The following PLEKHM1 variants were observed in gnomAD, a reference collection of about 807,000 sequenced individuals.
PLEKHM1 encodes pleckstrin homology domain-containing family M member 1.
Under a neutral mutation model 94.3 loss-of-function variants are expected in PLEKHM1, and 28 were observed. The observed-to-expected ratio is 0.30, with a 90% CI of 0.22 to 0.41. The LOEUF is 0.41. Among genes scored for constraint, PLEKHM1 ranks in the 10% least tolerant of loss-of-function variants. The pLI is 1.00. For synonymous variants in PLEKHM1, 424 were observed against 581.2 expected (o/e 0.73, Z 3.89); for missense variants, 907 against 1,358.6 (o/e 0.67, Z 5.22).
At chr17:45,468,637 G>A (rs765869951) in intron 4 of PLEKHM1, 44 bp from the exon 5 acceptor site, 19 of 1,607,474 alleles carry the variant, frequency 1.2e-5, no homozygotes, top group Middle Eastern at 1.7e-4. Flanking sequence ...GGTTGTCTGC[G>A]ATAATGCCCA....
rs1231533397 is a variant in PLEKHM1, at chr17:45,478,090, G to A, written c.106C>T (p.Leu36=). The A allele has an allele frequency of 6.2e-7, 1 of 1,613,956 alleles. No homozygotes were observed. The highest frequency in any genetic ancestry group is 2.2e-5 in the East Asian group (1 of 44,878). ...TCTTCACTAGTGACCACCGTGTCCA[G>A]GGACACGTACTGCTTCTGCAAGGCC... The part of the protein sequence containing the change: ...VKALQKQYVS[L]DTVVTSEDGD... The change falls in exon 3 of 12, where the codon CTG becomes TTG. Residue 36 remains leucine, a synonymous_variant. Transcript: ENST00000430334.
At position 45,468,353 on chromosome 17, in the gene PLEKHM1, C is replaced by T. The variant is rs373380298; in HGVS notation, c.1164G>A (p.Gln388=). Residue 388 remains glutamine, a synonymous_variant, in exon 5 of 12, where the codon CAG becomes CAA. Transcript: ENST00000430334. ...GCTGGCCTGAGGTGCTCTCTACAGGCTGCTGTAAGTCCAGGGGGCTGGGCG... is the reference window on the plus strand; with the variant it reads ...GCTGGCCTGAGGTGCTCTCTACAGGTTGCTGTAAGTCCAGGGGGCTGGGCG... ...PQAPSPLDLQ[Q]PVESTSGQQP... is the part of the protein sequence containing the mutation. The T allele has an allele frequency of 3.0e-4, 482 of 1,614,108 alleles. No individual in the cohort carries two copies. Among genetic ancestry groups the T allele is most frequent in the Non-Finnish European group, 3.8e-4 (450 of 1,180,014 alleles).
chr17:45,441,504 T>TG (rs932457078), intron 9 of PLEKHM1, among the ~76,000 whole-genome samples: 3 of 151,996 alleles, frequency 2.0e-5, no homozygotes, highest in Non-Finnish European at 4.4e-5. Context: ...CACAGCAGGC[T>TG]GGGGGGACAC....
At position 45,436,814 on chromosome 17, in the gene PLEKHM1, C is replaced by A. The variant is rs183944687; in HGVS notation, c.*1044G>T. On this transcript the variant is annotated 3_prime_UTR_variant, in exon 12 of 12. Transcript: ENST00000430334. ...GCATCCACAGGGCAGTTCCCCCGCA[C>A]GCCCTGCACAGCTTAGGACCAGGTC... 1 of 454,014 alleles carries A rather than the reference C, an allele frequency of 2.2e-6. No individual in the cohort carries two copies. The highest frequency in any genetic ancestry group is 4.4e-6 in the Non-Finnish European group (1 of 226,784). 28.1% of individuals were successfully genotyped at this position (454,014 alleles called of 1,614,324 possible).
intron 9 of PLEKHM1, among the ~76,000 whole-genome samples, chr17:45,443,524 G>C (rs1386072569): frequency 6.6e-6 from 1 of 152,252 alleles, no homozygotes; most frequent in Non-Finnish European, 1.5e-5. Flanking sequence ...TGCTGCCCAG[G>C]GATGGAGCAG....
At chr17:45,483,173 G>A (rs1020438390) in intron 1 of PLEKHM1, among the ~76,000 whole-genome samples, 11 of 151,980 alleles carry the variant, frequency 7.2e-5, no homozygotes, top group South Asian at 2.1e-4. Flanking sequence ...AGGTCTCATC[G>A]CAGTTTGCCA....
chr17:45,464,915 C>T (rs2051274299), intron 5 of PLEKHM1, among the ~76,000 whole-genome samples: 1 of 152,072 alleles, frequency 6.6e-6, no homozygotes, highest in Non-Finnish European at 1.5e-5. Flanking sequence ...CCTTCCAGTC[C>T]CCTTGACTTA....
At chr17:45,450,324 T>A (rs1295006597) in intron 8 of PLEKHM1, among the ~76,000 whole-genome samples, 1 of 152,262 alleles carries the variant, frequency 6.6e-6, no homozygotes, top group African/African-American at 2.4e-5. Flanking sequence ...TCTATCTATC[T>A]ATCATTTATC....
intron 5 of PLEKHM1, chr17:45,460,387 G>A (rs1027327029): frequency 6.6e-6 from 1 of 152,090 alleles, no homozygotes; most frequent in East Asian, 1.9e-4. Flanking sequence ...GGCCTCCCGA[G>A]TAGCTGGGGT....
At chr17:45,458,622 C>A (rs2051051070) in intron 5 of PLEKHM1, among the ~76,000 whole-genome samples, 183 bp from the exon 6 acceptor site, 1 of 152,108 alleles carries the variant, frequency 6.6e-6, no homozygotes, top group African/African-American at 2.4e-5. Context: ...AGGCGCCCAC[C>A]ACCATGCCCA....
intron 5 of PLEKHM1, among the ~76,000 whole-genome samples, chr17:45,466,974 A>G (rs1281391176): frequency 6.6e-6 from 1 of 152,230 alleles, no homozygotes; most frequent in Admixed American, 6.5e-5. Flanking sequence ...CAAAACCTGG[A>G]AACAACCCAA....
rs2052285518 is a variant in PLEKHM1 at position 45,490,657 on chromosome 17, G to T, written c.-47C>A. The stretch of plus-strand genomic sequence containing the variant: ...ATCTTGACCCCCTAACTCACCAAGC[G>T]GAGCGAGGAGCGAGGCGAGGGGCGC... On this transcript the variant is annotated 5_prime_UTR_variant, in exon 1 of 12. Coordinates refer to ENST00000430334, the MANE Select transcript of PLEKHM1 (RefSeq NM_014798.3). 2.2e-6 allele frequency: 1 copy of T among 450,204 alleles called. No homozygotes were observed. The highest frequency in any genetic ancestry group is 2.0e-5 in the African/African-American group (1 of 49,188). The allele number at this position is 450,204 out of a possible 1,614,324, so 27.9% of individuals were successfully genotyped here.
intron 4 of PLEKHM1, among the ~76,000 whole-genome samples, chr17:45,472,532 C>T (rs1204196902): frequency 1.3e-5 from 2 of 152,164 alleles, no homozygotes; most frequent in Non-Finnish European, 2.9e-5. Context: ...AGGGCTAAGA[C>T]AGGTGAGTGA....
chr17:45,435,736 C>T (rs188797282), downstream of PLEKHM1, among the ~76,000 whole-genome samples: 7 of 152,330 alleles, frequency 4.6e-5, no homozygotes, highest in Admixed American at 1.3e-4. Context: ...CCTGCCCACT[C>T]CTGGCATGCA....
chr17:45,450,498 T>G, intron 8 of PLEKHM1, 120 bp downstream of exon 8: 2 of 1,500,742 alleles, frequency 1.3e-6, no homozygotes, highest in African/African-American at 2.8e-5. Context: ...CCTGAACCAG[T>G]GACCCTGGCT....
intron 5 of PLEKHM1, among the ~76,000 whole-genome samples, chr17:45,463,189 C>T (rs1295574496): frequency 2.6e-5 from 4 of 151,884 alleles, no homozygotes; most frequent in Non-Finnish European, 5.9e-5. Context: ...CCATTGAGCA[C>T]AGCTGCCAGG....
downstream of PLEKHM1, among the ~76,000 whole-genome samples, chr17:45,434,697 G>C (rs150345766): frequency 1.3e-4 from 19 of 151,966 alleles, no homozygotes; most frequent in African/African-American, 4.6e-4. Flanking sequence ...CAACCTCCTC[G>C]GCCTCCCAAA....
chr17:45,473,497 A>AGT (rs2051585405), intron 4 of PLEKHM1, among the ~76,000 whole-genome samples: 1 of 152,224 alleles, frequency 6.6e-6, no homozygotes, highest in East Asian at 1.9e-4. Flanking sequence ...GATATAGAAC[A>AGT]GTGTGTATAT....
At chr17:45,465,975 A>G (rs2051308948) in intron 5 of PLEKHM1, among the ~76,000 whole-genome samples, 1 of 152,104 alleles carries the variant, frequency 6.6e-6, no homozygotes, top group Non-Finnish European at 1.5e-5. Context: ...CTCTGCCTCC[A>G]GCTTGAGGAA....
Sources: gnomAD v4.1 joint callset for allele counts (sites outside exome capture counted in the v4.1 genomes callset) on GRCh38, gnomAD v4.1.1 for gene constraint, MANE v1.5 for transcripts, NCBI Gene and HGNC (gene_info 2026-07-23, HGNC 2026-07-21) for gene names.